The following SLC5A4 variants were observed in gnomAD, a reference collection of about 807,000 sequenced individuals.
The protein encoded by SLC5A4 is probable glucose sensor protein SLC5A4.
SLC5A4 carries 55 observed loss-of-function variants against 70.3 expected under a neutral mutation model. The observed-to-expected ratio is 0.78, with a 90% CI of 0.63 to 0.98. The LOEUF (loss-of-function observed/expected upper bound fraction) is 0.98. Among genes scored for constraint, SLC5A4 ranks in the 50% least tolerant of loss-of-function variants. The pLI is 0.00. For missense variants in SLC5A4, 735 were observed against 839.2 expected (o/e 0.88, Z 1.53); for synonymous variants, 268 against 305.7 (o/e 0.88, Z 1.29).
chr22:32,306,623 G>C, the SLC5A4 span, among the ~76,000 whole-genome samples: 2 of 152,170 alleles, frequency 1.3e-5, no homozygotes, highest in Admixed American at 6.5e-5. Context: ...CATGAAGCCA[G>C]AGTTTACAGG....
At chr22:32,348,229 GA>G in the SLC5A4 span, among the ~76,000 whole-genome samples, 1 of 152,228 alleles carries the variant, frequency 6.6e-6, no homozygotes, top group Admixed American at 6.5e-5. Flanking sequence ...ACACGCAGTA[GA>G]AACACAGATT....
At chr22:32,270,658 G>T in the SLC5A4 span, 1 of 717,390 alleles carries the variant, frequency 1.4e-6, no homozygotes, top group South Asian at 1.5e-5. Flanking sequence ...CCACTACATT[G>T]TCCAAGTGTC....
chr22:32,325,913 C>T, the SLC5A4 span, among the ~76,000 whole-genome samples: 3 of 152,076 alleles, frequency 2.0e-5, no homozygotes, highest in Non-Finnish European at 4.4e-5. Flanking sequence ...CCTGGGCAGG[C>T]TGGGGAGCAG....
chr22:32,272,706 G>T, the SLC5A4 span: 1 of 523,196 alleles, frequency 1.9e-6, no homozygotes, highest in Non-Finnish European at 3.6e-6. Context: ...AGACTTCCAT[G>T]TGGGTGCCCA....
chr22:32,308,563 C>T, the SLC5A4 span, among the ~76,000 whole-genome samples: 1 of 152,210 alleles, frequency 6.6e-6, no homozygotes, highest in East Asian at 1.9e-4. Context: ...ATCTCCTGGC[C>T]AAAGAAGCCT....
At chr22:32,262,405 G>C in the SLC5A4 span, among the ~76,000 whole-genome samples, 7 of 152,198 alleles carry the variant, frequency 4.6e-5, no homozygotes, top group African/African-American at 1.4e-4. Flanking sequence ...GAAGGGGCTC[G>C]GAGGGGCCTC....
At chr22:32,339,802 T>C in the SLC5A4 span, among the ~76,000 whole-genome samples, 5 of 152,142 alleles carry the variant, frequency 3.3e-5, no homozygotes, top group African/African-American at 1.2e-4. Context: ...AAGGGGCCAA[T>C]GGCAGATCAG....
At chr22:32,305,744 C>CTGCT in the SLC5A4 span, among the ~76,000 whole-genome samples, 2 of 129,668 alleles carry the variant, frequency 1.5e-5, no homozygotes, top group Admixed American at 9.3e-5. Flanking sequence ...GTTACTCTGT[C>CTGCT]CCCTTGCCTA....
the SLC5A4 span, among the ~76,000 whole-genome samples, chr22:32,280,014 G>GT: frequency 6.6e-6 from 1 of 152,172 alleles, no homozygotes; most frequent in Non-Finnish European, 1.5e-5. Flanking sequence ...TTTTGTTGTT[G>GT]TTGTTTGTTT....
chr22:32,221,485 C>T (rs1436760190), intron 13 of SLC5A4, among the ~76,000 whole-genome samples: 1 of 152,080 alleles, frequency 6.6e-6, no homozygotes, highest in African/African-American at 2.4e-5. Flanking sequence ...TATTGAATTC[C>T]AGTTGCAATT....
At chr22:32,300,228 G>C in the SLC5A4 span, among the ~76,000 whole-genome samples, 1 of 151,794 alleles carries the variant, frequency 6.6e-6, no homozygotes, top group Non-Finnish European at 1.5e-5. Context: ...TCAAGCCTGG[G>C]CAATGGGGGG....
chr22:32,242,678 C>T (rs1926605199), intron 5 of SLC5A4, among the ~76,000 whole-genome samples: 1 of 152,028 alleles, frequency 6.6e-6, no homozygotes, highest in Non-Finnish European at 1.5e-5. Flanking sequence ...CACTGCACTC[C>T]AGCCTGGGCG....
the SLC5A4 span, among the ~76,000 whole-genome samples, chr22:32,275,607 C>T: frequency 6.6e-6 from 1 of 152,162 alleles, no homozygotes. Flanking sequence ...TTTCTTAATC[C>T]AGTCTACCAT....
At chr22:32,255,545 TGA>T (rs1357045435), upstream of SLC5A4, among the ~76,000 whole-genome samples, 1 of 151,552 alleles carries the variant, frequency 6.6e-6, no homozygotes, top group Non-Finnish European at 1.5e-5. Flanking sequence ...GGGCCAGAAA[TGA>T]GGGGAGAATT....
the SLC5A4 span, among the ~76,000 whole-genome samples, chr22:32,260,628 A>C: frequency 1.3e-5 from 2 of 152,184 alleles, no homozygotes; most frequent in African/African-American, 2.4e-5. Flanking sequence ...AAATCTACTC[A>C]TGGAGGGTGG....
At chr22:32,294,773 C>A in the SLC5A4 span, among the ~76,000 whole-genome samples, 1 of 118,748 alleles carries the variant, frequency 8.4e-6, no homozygotes, top group Non-Finnish European at 1.8e-5. Context: ...ACTAACTCAT[C>A]ATCTAGCATT....
At chr22:32,228,152 T>C (rs5998321) in intron 11 of SLC5A4, among the ~76,000 whole-genome samples, 77,074 of 151,964 alleles carry the variant, frequency 0.51, 21,087 homozygotes, top group African/African-American at 0.71. Context: ...GTTACATGGG[T>C]CCTCACTTGG....
chr22:32,257,892 ACTC>A (rs1927571757), upstream of SLC5A4, among the ~76,000 whole-genome samples: 1 of 150,448 alleles, frequency 6.6e-6, no homozygotes, highest in Non-Finnish European at 1.5e-5. Flanking sequence ...CTGGTCTTGA[ACTC>A]CTGACCGCAG....
At chr22:32,318,785 A>AGTAGAAGG in the SLC5A4 span, among the ~76,000 whole-genome samples, 11 of 152,314 alleles carry the variant, frequency 7.2e-5, no homozygotes, top group Non-Finnish European at 1.6e-4. Context: ...ATTCACTAAG[A>AGTAGAAGG]GTAGAAGCTA....
Sources: allele counts gnomAD v4.1 joint callset (sites outside exome capture counted in the v4.1 genomes callset), GRCh38; gene constraint gnomAD v4.1.1; transcripts MANE v1.5; gene names NCBI Gene and HGNC (gene_info 2026-07-23, HGNC 2026-07-21).